VWCE: variants seen among roughly 807,000 people sequenced by gnomAD.
The protein encoded by VWCE is von Willebrand factor C and EGF domains.
In VWCE, 68 loss-of-function variants were observed where a neutral mutation model predicts 102.9. The ratio of observed to expected loss-of-function variants is 0.66; its 90% CI spans 0.54 to 0.81. VWCE has a LOEUF of 0.81. VWCE is among the 30% of genes least tolerant of loss of function. VWCE has a pLI of 0.00. For synonymous variants in VWCE, 497 were observed against 515.4 expected (o/e 0.96, Z 0.48); for missense variants, 1,137 against 1,263.6 (o/e 0.90, Z 1.52).
chr11:61,261,358 A>G (rs1237646985), intron 19 of VWCE, among the ~76,000 whole-genome samples: 2 of 152,234 alleles, frequency 1.3e-5, no homozygotes, highest in East Asian at 3.8e-4. Flanking sequence ...CTCTAAAAAT[A>G]TGCTTAAAAT....
Position 61,280,865 on chromosome 11 carries a change from G to C in VWCE, c.1158C>G (p.Cys386Trp). Residue 386 changes from cysteine to tryptophan, a missense_variant, in exon 8 of 20, where the codon TGC becomes TGG. By Grantham distance (215) the Cys-to-Trp change is radical (BLOSUM62 -2). This residue lies in a region of VWCE where 575 missense variants were observed against 625.9 expected (regional missense o/e 0.92). Transcript: ENST00000335613. The part of the protein sequence containing the change: ...SPRLAAGPSP[C>W]WHLGAMHESR... ...ATTCATGCATGGCTCCCAGGTGCCA[G>C]CAGGGAGAGGGCCCTGCTGCCAGTC... The C allele has an allele frequency of 6.5e-7, 1 of 1,538,314 alleles. No homozygotes were observed. The highest frequency in any genetic ancestry group is 8.7e-7 in the Non-Finnish European group (1 of 1,144,086).
chr11:61,290,834 G>A lies in VWCE; in HGVS notation c.389C>T (p.Ser130Leu), dbSNP rs754595090. 49 of 1,611,596 alleles carry A rather than the reference G, an allele frequency of 3.0e-5. No homozygotes were observed. Among genetic ancestry groups the A allele is most frequent in the Non-Finnish European group, 3.4e-5 (40 of 1,179,726 alleles). Residue 130 changes from serine (S) to leucine (L), a missense_variant, in exon 4 of 20, where the codon TCG becomes TTG. Transcript: ENST00000335613. The part of the protein sequence containing the change: ...EVARVCPVGF[S>L]MTETAVGIRC... ...GATGCCAACAGCTGTCTCCGTCATC[G>A]AGAAGCCCACGGGGCACACTCGGGC...
chr11:61,260,145 C>T (rs1854309793), intron 19 of VWCE, among the ~76,000 whole-genome samples: 1 of 152,204 alleles, frequency 6.6e-6, no homozygotes, highest in Admixed American at 6.5e-5. Context: ...GTCCCAGCTA[C>T]TCGGGAGGCT....
Position 61,280,907 on chromosome 11 carries a change from C to A in VWCE, c.1116G>T (p.Arg372Ser), listed in dbSNP as rs910019934. Residue 372 changes from arginine (R) to serine (S), a missense_variant, in exon 8 of 20, where the codon AGG (arginine) becomes AGT (serine). This residue lies in a region of VWCE where 575 missense variants were observed against 625.9 expected (regional missense o/e 0.92). Transcript: ENST00000335613. ...GEVMGTPSSPRGPESPRLAAG... is the reference protein window; with the variant it reads ...GEVMGTPSSPSGPESPRLAAG... ...CTGCCAGTCGGGGGGACTCAGGGCC[C>A]CTGGGTGAGGAAGGGGTCCCCATCA... The A allele has an allele frequency of 5.8e-5, 89 of 1,528,516 alleles. No homozygotes were observed. Among genetic ancestry groups the A allele is most frequent in the Non-Finnish European group, 7.4e-5 (84 of 1,140,616 alleles). 94.7% of individuals were successfully genotyped at this position (1,528,516 alleles called of 1,614,324 possible). A position where few individuals can be genotyped will look rare whatever the true frequency, so the allele number is the denominator to read the frequency against.
chr11:61,280,580 A>G, intron 9 of VWCE, 44 bp downstream of exon 9: 1 of 1,598,572 alleles, frequency 6.3e-7, no homozygotes, highest in Non-Finnish European at 8.6e-7. Context: ...GGTGCAGAGA[A>G]AGGAAGAGGC....
chr11:61,276,734 T>C (rs1274772057), intron 10 of VWCE, 54 bp from the exon 11 acceptor site: 19 of 1,431,226 alleles, frequency 1.3e-5, no homozygotes, highest in Non-Finnish European at 1.7e-5. Context: ...ACAGGGTTCA[T>C]TCCCCATCTC....
At chr11:61,293,716 A>C (rs542489195) in intron 1 of VWCE, among the ~76,000 whole-genome samples, 11 of 152,338 alleles carry the variant, frequency 7.2e-5, no homozygotes, top group African/African-American at 2.6e-4. Flanking sequence ...TGCGCTGGGC[A>C]CTGGGGACAT....
intron 10 of VWCE, among the ~76,000 whole-genome samples, chr11:61,276,949 G>A (rs1156705782): frequency 8.5e-6 from 1 of 118,108 alleles, no homozygotes; most frequent in Admixed American, 8.5e-5. Flanking sequence ...CAGGGAAGGG[G>A]AGGGGAGGGG....
Position 61,294,940 on chromosome 11 carries a change from A to G in VWCE, c.98T>C (p.Phe33Ser). 2 of 1,443,242 alleles carry G rather than the reference A, an allele frequency of 1.4e-6. No homozygotes were observed. The highest frequency in any genetic ancestry group is 1.8e-6 in the Non-Finnish European group (2 of 1,096,826). 89.4% of individuals were successfully genotyped at this position (1,443,242 alleles called of 1,614,324 possible). Residue 33 changes from phenylalanine to serine, a missense_variant, in exon 1 of 20, where the codon TTC becomes TCC. Phe to Ser is a radical substitution (Grantham distance 155). Coordinates refer to ENST00000335613, the MANE Select transcript of VWCE (RefSeq NM_152718.2). The surrounding 1 kb of genome is among the most constrained non-coding windows in gnomAD (Gnocchi z 6.3). ...TCCGGGCGCTTACCTCTCGGCCGCG[A>G]AGTGCCCGGGCGGCTTCCTCCCGGT... is the stretch of plus-strand genomic sequence containing the variant. ...GYTGRKPPGH[F>S]AAERRRLGPH...
At position 61,281,162 on chromosome 11, in the gene VWCE, C is replaced by G. The variant is rs762144750; in HGVS notation, c.861G>C (p.Leu287Phe). 6.2e-7 allele frequency: 1 copy of G among 1,613,674 alleles called. No individual in the cohort carries two copies. The highest frequency in any genetic ancestry group is 1.1e-5 in the South Asian group (1 of 91,056). The part of the protein sequence containing the change: ...PRQHPSKMLL[L>F]LPEAGRPALS... ...GGGCAGGCCGGCCGGCCTCAGGAAG[C>G]AACAGAAGCATCTTGGACGGGTGTT... is the stretch of plus-strand genomic sequence containing the variant. The change falls in exon 8 of 20, where the codon TTG (leucine) becomes TTC (phenylalanine). Residue 287 changes from leucine to phenylalanine, a missense_variant. This residue lies in a region of VWCE where 575 missense variants were observed against 625.9 expected (regional missense o/e 0.92). Coordinates refer to ENST00000335613, the MANE Select transcript of VWCE (RefSeq NM_152718.2).
intron 4 of VWCE, among the ~76,000 whole-genome samples, chr11:61,290,330 G>A (rs1236188912): frequency 2.0e-5 from 3 of 152,120 alleles, no homozygotes; most frequent in African/African-American, 7.2e-5. Context: ...TGGCCAACAT[G>A]GCAAAACCCT....
intron 11 of VWCE, 70 bp from the exon 12 acceptor site, chr11:61,274,654 A>G: frequency 1.4e-6 from 2 of 1,429,422 alleles, no homozygotes; most frequent in Non-Finnish European, 2.0e-6. Flanking sequence ...GGGGGAACAA[A>G]TGGGTAGGGA....
At chr11:61,286,232 C>T (rs1855315050) in intron 5 of VWCE, 82 bp downstream of exon 5, 2 of 1,330,520 alleles carry the variant, frequency 1.5e-6, no homozygotes, top group South Asian at 1.2e-5. Flanking sequence ...GAGCACACTG[C>T]ACTGGGCATG....
In VWCE at chr11:61,281,832, T is replaced by C. The variant is rs771460693; in HGVS notation, c.741A>G (p.Thr247=). The change falls in exon 7 of 20, where the codon ACA becomes ACG. Residue 247 remains threonine, a synonymous_variant. Coordinates refer to ENST00000335613, the MANE Select transcript of VWCE (RefSeq NM_152718.2). ...CTCGGAGCCTGAAGCCAGGTCGGCATGTGCATAGGAAGCTGCCCACGGTGT... is the reference window on the plus strand; with the variant it reads ...CTCGGAGCCTGAAGCCAGGTCGGCACGTGCATAGGAAGCTGCCCACGGTGT... ...CHNTVGSFLC[T]CRPGFRLRAD... 62 of 1,613,768 alleles carry C rather than the reference T, an allele frequency of 3.8e-5. No homozygotes were observed. Among genetic ancestry groups the C allele is most frequent in the Middle Eastern group, 3.3e-4 (2 of 6,078 alleles).
chr11:61,281,725 A>G (rs1307387902), intron 7 of VWCE, 61 bp downstream of exon 7: 46 of 1,527,858 alleles, frequency 3.0e-5, no homozygotes, highest in East Asian at 7.2e-5. Context: ...GGGGGGGCGT[A>G]GCTGGGGCAG....
chr11:61,293,456 A>G (rs1293600276), intron 1 of VWCE, among the ~76,000 whole-genome samples: 2 of 151,272 alleles, frequency 1.3e-5, no homozygotes, highest in Non-Finnish European at 2.9e-5. Context: ...CAGCAAAAGA[A>G]GAGGAAGGGA....
intron 5 of VWCE, 174 bp downstream of exon 5, chr11:61,286,140 C>G (rs904090873): frequency 1.1e-5 from 8 of 701,300 alleles, no homozygotes; most frequent in Non-Finnish European, 2.5e-6. Context: ...GGGCAAGCCT[C>G]AGTCTCCACA....
At position 61,271,694 on chromosome 11, in the gene VWCE, C is replaced by G. The variant is rs1319430874; in HGVS notation, c.1766G>C (p.Cys589Ser). 1 of 1,613,272 alleles carries G rather than the reference C, an allele frequency of 6.2e-7. No homozygotes were observed. The highest frequency in any genetic ancestry group is 8.5e-7 in the Non-Finnish European group (1 of 1,179,648). Residue 589 changes from cysteine to serine, a missense_variant, in exon 14 of 20, where the codon TGT becomes TCT. Physicochemically the swap from Cys to Ser is moderately radical, Grantham distance 112. Around this residue, in one of 5 missense-constraint regions of VWCE, gnomAD observed 212 missense variants for 235.1 expected, o/e 0.90. Coordinates refer to ENST00000335613, the MANE Select transcript of VWCE (RefSeq NM_152718.2). ...ATTCACCTGGCAGATGCATAACTCA[C>G]AGGGGTCACCAGGCGACCAGATCTG... ...IGQIWSPGDPCELCICQADGS... is the reference protein window; with the variant it reads ...IGQIWSPGDPSELCICQADGS...
intron 10 of VWCE, among the ~76,000 whole-genome samples, chr11:61,277,286 C>T (rs770150824): frequency 5.3e-5 from 8 of 152,000 alleles, no homozygotes; most frequent in Non-Finnish European, 1.2e-4. Flanking sequence ...CTGCAGCATC[C>T]ACCTTTGATG....
Sources: allele counts gnomAD v4.1 joint callset (sites outside exome capture counted in the v4.1 genomes callset), GRCh38; gene constraint gnomAD v4.1.1; regional missense constraint gnomAD v4.1.1; non-coding constraint Gnocchi (gnomAD v3.1); transcripts MANE v1.5; gene names NCBI Gene and HGNC (gene_info 2026-07-23, HGNC 2026-07-21).